Variants in PTPRT observed in about 807,000 individuals in gnomAD.
PTPRT encodes the protein receptor-type tyrosine-protein phosphatase T.
PTPRT carries 56 observed loss-of-function variants against 176.8 expected under a neutral mutation model. That is an observed-to-expected ratio of 0.32 (90% CI 0.26 to 0.40). The LOEUF (loss-of-function observed/expected upper bound fraction) is 0.40, where lower values mean the gene tolerates loss of function less well. Among genes scored for constraint, PTPRT ranks in the 10% least tolerant of loss-of-function variants. The pLI, the probability that PTPRT is intolerant of heterozygous loss-of-function variation, is 1.00. For synonymous variants in PTPRT, 783 were observed against 739.0 expected, an observed-to-expected ratio of 1.06 and a Z score of -0.96; for missense variants, 1,540 against 1,908.2, an observed-to-expected ratio of 0.81 and a Z score of 3.60.
intron 9 of PTPRT, among the ~76,000 whole-genome samples, chr20:42,412,596 G>C (rs886737109): frequency 6.6e-6 from 1 of 152,158 alleles, no homozygotes; most frequent in Non-Finnish European, 1.5e-5. Flanking sequence ...TCAAAGACTT[G>C]TACACAAATA....
In PTPRT at chr20:42,079,648, TG is replaced by T. The variant is rs772233640; in HGVS notation, c.*1230del. 20 of 227,900 alleles carry T rather than the reference TG, an allele frequency of 8.8e-5. No homozygotes were observed. The highest frequency in any genetic ancestry group is 1.6e-4 in the Non-Finnish European group (18 of 114,756). 14.1% of individuals were successfully genotyped at this position (227,900 alleles called of 1,614,324 possible). ...CCTAGATCTCCAGGCCTGATTCTCT[TG>T]GCCTATTTTAAATCAAAGTATAATG... On this transcript the variant is annotated 3_prime_UTR_variant, in exon 31 of 31. Transcript: ENST00000373187.
chr20:42,293,304 T>G (rs1280941354), intron 12 of PTPRT, among the ~76,000 whole-genome samples: 1 of 152,210 alleles, frequency 6.6e-6, no homozygotes, highest in East Asian at 1.9e-4. Flanking sequence ...GACTTTTATA[T>G]GGTCAGCACT....
At chr20:42,946,812 C>T (rs1980908999) in intron 1 of PTPRT, among the ~76,000 whole-genome samples, 1 of 152,204 alleles carries the variant, frequency 6.6e-6, no homozygotes, top group Non-Finnish European at 1.5e-5. Context: ...AATCACCGCA[C>T]TGTTGACATT....
intron 22 of PTPRT, among the ~76,000 whole-genome samples, chr20:42,114,950 T>A (rs1379230132): frequency 6.6e-6 from 1 of 152,196 alleles, no homozygotes; most frequent in Non-Finnish European, 1.5e-5. Flanking sequence ...ATCCTTTGCA[T>A]ATTCCTGTGT....
intron 7 of PTPRT, among the ~76,000 whole-genome samples, chr20:42,605,095 C>T (rs1204753542): frequency 6.6e-6 from 1 of 152,194 alleles, no homozygotes; most frequent in African/African-American, 2.4e-5. Context: ...AGGCGTGACC[C>T]AAGCACTACA....
intron 1 of PTPRT, among the ~76,000 whole-genome samples, chr20:43,031,205 G>A (rs184040619): frequency 9.9e-5 from 15 of 152,268 alleles, no homozygotes; most frequent in Admixed American, 1.3e-4. Flanking sequence ...ACAGAAGGAC[G>A]TTACCAGGAC....
chr20:42,143,941 C>G (rs1004268611), intron 17 of PTPRT, among the ~76,000 whole-genome samples: 1 of 152,198 alleles, frequency 6.6e-6, no homozygotes, highest in Admixed American at 6.5e-5. Flanking sequence ...CAATTCGCAT[C>G]CAGTATTGGT....
intron 1 of PTPRT, among the ~76,000 whole-genome samples, chr20:43,045,033 GA>G (rs1381057152): frequency 6.6e-6 from 1 of 152,222 alleles, no homozygotes; most frequent in African/African-American, 2.4e-5. Context: ...GGGCAGGCAG[GA>G]AGGAACATCT....
intron 6 of PTPRT, among the ~76,000 whole-genome samples, chr20:42,698,196 G>C (rs1273042585): frequency 6.6e-6 from 1 of 152,172 alleles, no homozygotes; most frequent in Admixed American, 6.5e-5. Flanking sequence ...GTGTACTCAA[G>C]ATTGACCCTG....
chr20:42,242,822 T>G (rs1382475788), intron 14 of PTPRT, among the ~76,000 whole-genome samples: 1 of 152,158 alleles, frequency 6.6e-6, no homozygotes, highest in African/African-American at 2.4e-5. Flanking sequence ...TTCCACCTCA[T>G]GAACCATGGC....
intron 9 of PTPRT, among the ~76,000 whole-genome samples, chr20:42,433,299 A>C (rs2059232024): frequency 6.6e-6 from 1 of 152,198 alleles, no homozygotes; most frequent in South Asian, 2.1e-4. Flanking sequence ...CAGAAAAAAA[A>C]AGAAATCCAG....
At chr20:42,974,473 G>GCACACA (rs143734801) in intron 1 of PTPRT, among the ~76,000 whole-genome samples, 1 of 149,822 alleles carries the variant, frequency 6.7e-6, no homozygotes, top group African/African-American at 2.4e-5. Context: ...GTGCACGCGC[G>GCACACA]CACACACACA....
chr20:42,200,149 A>C (rs1305861920), intron 15 of PTPRT, among the ~76,000 whole-genome samples: 1 of 152,040 alleles, frequency 6.6e-6, no homozygotes, highest in Non-Finnish European at 1.5e-5. Context: ...TCCCCAAGTT[A>C]TTCTGACACC....
At chr20:42,546,984 C>T (rs1371975348) in intron 7 of PTPRT, among the ~76,000 whole-genome samples, 1 of 152,040 alleles carries the variant, frequency 6.6e-6, no homozygotes, top group Admixed American at 6.6e-5. Flanking sequence ...AAACGTAACA[C>T]AGAGACATAA....
intron 12 of PTPRT, among the ~76,000 whole-genome samples, chr20:42,313,841 T>G (rs1224802730): frequency 6.6e-6 from 1 of 152,186 alleles, no homozygotes. Context: ...CTTTGTAGTC[T>G]TATGCTCTCT....
chr20:43,144,451 T>G (rs1216823838), intron 1 of PTPRT, among the ~76,000 whole-genome samples: 2 of 152,188 alleles, frequency 1.3e-5, no homozygotes, highest in Non-Finnish European at 2.9e-5. Context: ...CCCACTGCAA[T>G]GACTCCCAAC....
intron 1 of PTPRT, among the ~76,000 whole-genome samples, chr20:43,103,342 A>G (rs2012468075): frequency 6.6e-6 from 1 of 152,172 alleles, no homozygotes; most frequent in Non-Finnish European, 1.5e-5. Flanking sequence ...TAGAGACCCC[A>G]AGAGTGTAAG....
chr20:42,333,594 A>G (rs903364246), intron 11 of PTPRT, among the ~76,000 whole-genome samples: 3 of 152,128 alleles, frequency 2.0e-5, no homozygotes, highest in Admixed American at 2.0e-4. Context: ...GCCCTCCCAA[A>G]GTGCTGGGAT....
At chr20:42,126,025 T>TGGGGGGGGGGGGGGGG (rs144977174) in intron 19 of PTPRT, among the ~76,000 whole-genome samples, 1 of 41,784 alleles carries the variant, frequency 2.4e-5, no homozygotes, top group African/African-American at 6.7e-5. Flanking sequence ...TGTCTGGGAG[T>TGGGGGGGGGGGGGGGG]GGGGGGGGGG....
Sources: gnomAD v4.1 joint callset for allele counts (sites outside exome capture counted in the v4.1 genomes callset) on GRCh38, gnomAD v4.1.1 for gene constraint, MANE v1.5 for transcripts, NCBI Gene and HGNC (gene_info 2026-07-23, HGNC 2026-07-21) for gene names.